AFAP1: variants seen among roughly 807,000 people sequenced by gnomAD.
AFAP1 encodes the protein actin filament associated protein 1, also known as actin filament-associated protein 1.
Under a neutral mutation model 93.9 loss-of-function variants are expected in AFAP1, and 75 were observed. That is an observed-to-expected ratio of 0.80 (90% confidence interval 0.66 to 0.97). The LOEUF is 0.97. Among genes scored for constraint, AFAP1 ranks in the 50% least tolerant of loss-of-function variants. The pLI, the probability that AFAP1 is intolerant of heterozygous loss-of-function variation, is 0.00. For missense variants in AFAP1, 1,201 were observed against 1,050.8 expected (o/e 1.14, Z -1.98); for synonymous variants, 517 against 430.7 (o/e 1.20, Z -2.48).
chr4:7,932,330 C>G (rs1268416496), intron 1 of AFAP1, among the ~76,000 whole-genome samples: 2 of 152,178 alleles, frequency 1.3e-5, no homozygotes, highest in African/African-American at 2.4e-5. Flanking sequence ...CCACAGGATG[C>G]ACCTAATTCC....
At chr4:7,810,635 T>C (rs545369095) in intron 8 of AFAP1, among the ~76,000 whole-genome samples, 1 of 152,292 alleles carries the variant, frequency 6.6e-6, no homozygotes, top group Admixed American at 6.5e-5. Flanking sequence ...GCCAGGACAG[T>C]GTTAAATTGG....
At chr4:7,878,366 C>T (rs1717640975) in intron 1 of AFAP1, among the ~76,000 whole-genome samples, 1 of 152,198 alleles carries the variant, frequency 6.6e-6, no homozygotes, top group African/African-American at 2.4e-5. Flanking sequence ...TCCAGGCATT[C>T]GGATCCAGTT....
At chr4:7,906,797 G>T (rs911057867) in intron 1 of AFAP1, among the ~76,000 whole-genome samples, 4 of 152,200 alleles carry the variant, frequency 2.6e-5, no homozygotes, top group Non-Finnish European at 5.9e-5. Context: ...AAGGCGGGTG[G>T]ATCACCTGAG....
rs1713788426 is a variant in AFAP1 at position 7,761,471 on chromosome 4, C to T, written c.*2294G>A. On this transcript the variant is annotated 3_prime_UTR_variant, in exon 18 of 18. Transcript: ENST00000420658. ...TGCTAAGGCTCCGGGGCCTCCTTGC[C>T]TGGTGAGGAAGCTGGTGGGTGACGG... The T allele has an allele frequency of 6.6e-6, 1 of 152,304 alleles. No homozygotes were observed. The highest frequency in any genetic ancestry group is 2.1e-4 in the South Asian group (1 of 4,838). 9.4% of individuals were successfully genotyped at this position (152,304 alleles called of 1,614,324 possible). A position where few individuals can be genotyped will look rare whatever the true frequency, so the allele number is the denominator to read the frequency against.
chr4:7,806,188 T>C (rs1324462413), intron 9 of AFAP1, among the ~76,000 whole-genome samples: 1 of 152,258 alleles, frequency 6.6e-6, no homozygotes, highest in Non-Finnish European at 1.5e-5. Context: ...TGCCCAATGC[T>C]AAATGCGTCA....
At chr4:7,793,873 T>C (rs775287724) in intron 10 of AFAP1, 47 bp from the exon 11 acceptor site, 3 of 1,452,532 alleles carry the variant, frequency 2.1e-6, no homozygotes, top group Non-Finnish European at 2.8e-6. Context: ...TAAAGATTTT[T>C]ACATTTTCAT....
intron 14 of AFAP1, chr4:7,775,802 A>G (rs1338854017): frequency 2.6e-5 from 4 of 152,208 alleles, no homozygotes; most frequent in African/African-American, 9.7e-5. Context: ...CAATTCACTG[A>G]GTGGTTACGA....
Position 7,772,944 on chromosome 4 carries a change from T to A in AFAP1, c.2129A>T (p.Glu710Val). 1 of 1,613,752 alleles carries A rather than the reference T, an allele frequency of 6.2e-7. No individual in the cohort carries two copies. Among genetic ancestry groups the A allele is most frequent in the Non-Finnish European group, 8.5e-7 (1 of 1,180,018 alleles). The change falls in exon 16 of 18, where the codon GAG (glutamate) becomes GTG (valine). Residue 710 changes from glutamate (E) to valine (V), a missense_variant. Transcript: ENST00000420658. ...CAGCTCCAGGCTGACACGCTCCGCC[T>A]CCTTCTGCCGGCACTCCTCCTCCAG... ...KQLEEECRQKEAERVSLELEL... is the reference protein window; with the variant it reads ...KQLEEECRQKVAERVSLELEL...
At chr4:7,763,964 G>C (rs1226667306) in intron 17 of AFAP1, among the ~76,000 whole-genome samples, 173 bp from the exon 18 acceptor site, 1 of 152,140 alleles carries the variant, frequency 6.6e-6, no homozygotes, top group Non-Finnish European at 1.5e-5. Flanking sequence ...TCACCTATCA[G>C]AATGGAGAGC....
chr4:7,815,387 G>T (rs1720386755), intron 8 of AFAP1, among the ~76,000 whole-genome samples: 1 of 152,096 alleles, frequency 6.6e-6, no homozygotes, highest in Admixed American at 6.5e-5. Context: ...ACTGAGACAT[G>T]GTTAATATGG....
intron 6 of AFAP1, among the ~76,000 whole-genome samples, chr4:7,821,090 C>T (rs1166024974): frequency 6.6e-6 from 1 of 152,170 alleles, no homozygotes; most frequent in African/African-American, 2.4e-5. Context: ...TGCACTCCAG[C>T]CTGGGCGACA....
intron 10 of AFAP1, among the ~76,000 whole-genome samples, chr4:7,797,055 G>GAA (rs1208283581): frequency 2.0e-5 from 2 of 101,366 alleles, no homozygotes; most frequent in Admixed American, 2.5e-4. Context: ...GTGAGACCTT[G>GAA]TCTCAAAAAT....
Position 7,847,565 on chromosome 4 carries a change from T to C in AFAP1, c.335-4215A>G, listed in dbSNP as rs116486134. The stretch of plus-strand genomic sequence containing the variant: ...AAGAGACTCTTGCTCAGGATATCAC[T>C]TGGTAGCTCCACCAGCCAGAGCTGT... On this transcript the variant is annotated intron_variant, in intron 4 of 17. Coordinates refer to ENST00000420658, the MANE Select transcript of AFAP1 (RefSeq NM_001134647.2). Among the ~76,000 whole-genome samples, 885 of 152,346 alleles carry C rather than the reference T, an allele frequency of 5.8e-3. 6 individuals are homozygous for C. Among genetic ancestry groups the C allele is most frequent in the African/African-American group, 0.019 (776 of 41,570 alleles).
rs561326305 is a variant in AFAP1, at chr4:7,921,332, C to T, written c.-3+18324G>A. ...CTGGGTAGCTGGGATTACAGGCGCC[C>T]GCCACCACGCCTGGCTAATTTTTTT... is the stretch of plus-strand genomic sequence containing the variant. On this transcript the variant is annotated intron_variant, in intron 1 of 17. Transcript: ENST00000420658. Among the ~76,000 whole-genome samples the T allele has an allele frequency of 1.1e-4, 16 of 151,860 alleles. No homozygotes were observed. In the South Asian group the frequency reaches 3.1e-3, roughly 30 times the overall value.
intron 3 of AFAP1, among the ~76,000 whole-genome samples, chr4:7,866,494 C>A (rs1330303482): frequency 6.6e-6 from 1 of 152,224 alleles, no homozygotes; most frequent in Non-Finnish European, 1.5e-5. Context: ...CCGCACCTGG[C>A]CCCAGCTGCT....
At chr4:7,899,319 T>C (rs1443269898) in intron 1 of AFAP1, among the ~76,000 whole-genome samples, 1 of 152,178 alleles carries the variant, frequency 6.6e-6, no homozygotes, top group African/African-American at 2.4e-5. Flanking sequence ...TCCTGGAGCC[T>C]AGCAAGTTCC....
chr4:7,906,175 G>A (rs1719390545), intron 1 of AFAP1, among the ~76,000 whole-genome samples: 1 of 152,094 alleles, frequency 6.6e-6, no homozygotes, highest in Admixed American at 6.6e-5. Flanking sequence ...AAAGAAACAG[G>A]GTTACTAGAA....
intron 12 of AFAP1, among the ~76,000 whole-genome samples, chr4:7,785,984 T>C (rs1359533446): frequency 3.3e-5 from 5 of 152,200 alleles, no homozygotes; most frequent in Non-Finnish European, 7.3e-5. Context: ...AACTGTCTAC[T>C]AGCCTCAAAC....
chr4:7,773,762 G>A (rs1313002716), intron 15 of AFAP1: 2 of 152,438 alleles, frequency 1.3e-5, no homozygotes, highest in Non-Finnish European at 2.9e-5. Context: ...CAGACTGCAG[G>A]CCACATCCTG....
Sources: allele counts gnomAD v4.1 joint callset (sites outside exome capture counted in the v4.1 genomes callset), GRCh38; gene constraint gnomAD v4.1.1; transcripts MANE v1.5; gene names NCBI Gene and HGNC (gene_info 2026-07-23, HGNC 2026-07-21).